NUP98: variants seen among roughly 807,000 people sequenced by gnomAD.
NUP98 encodes the protein nuclear pore complex protein Nup98-Nup96.
In NUP98, 26 loss-of-function variants were observed where a neutral mutation model predicts 191.9. The ratio of observed to expected loss-of-function variants is 0.14; its 90% CI spans 0.10 to 0.19. The LOEUF (loss-of-function observed/expected upper bound fraction) is 0.19. Among genes scored for constraint, NUP98 ranks in the 10% least tolerant of loss-of-function variants. The pLI is 1.00. For synonymous variants in NUP98, 808 were observed against 778.4 expected (o/e 1.04, Z -0.63); for missense variants, 1,941 against 2,178.8 (o/e 0.89, Z 2.17).
At chr11:3,676,987 A>C (rs945978508) in intron 31 of NUP98, among the ~76,000 whole-genome samples, 1 of 152,246 alleles carries the variant, frequency 6.6e-6, no homozygotes, top group Admixed American at 6.5e-5. Context: ...CATTTAATTT[A>C]GGTCCCCTGA....
intron 1 of NUP98, among the ~76,000 whole-genome samples, chr11:3,784,124 A>C (rs1055904431): frequency 6.6e-6 from 1 of 152,220 alleles, no homozygotes; most frequent in Non-Finnish European, 1.5e-5. Context: ...TGTAAAGAGT[A>C]GTCTTTTCTT....
At chr11:3,780,829 C>A (rs1308300781) in intron 2 of NUP98, among the ~76,000 whole-genome samples, 3 of 151,984 alleles carry the variant, frequency 2.0e-5, no homozygotes, top group Non-Finnish European at 4.4e-5. Context: ...CCTGTAATCC[C>A]AGCACTTTGG....
In NUP98 at chr11:3,731,396, C is replaced by A; in HGVS notation, c.1725G>T (p.Met575Ile). The A allele has an allele frequency of 6.4e-7, 1 of 1,562,630 alleles. No individual in the cohort carries two copies. Among genetic ancestry groups the A allele is most frequent in the Non-Finnish European group, 8.7e-7 (1 of 1,152,824 alleles). ...GTTAACAAAAATAAACTCACTTGGG[C>A]ATGAATGCTCCATTGGCTAGGGATG... is the stretch of plus-strand genomic sequence containing the variant. ...DEPSLANGAF[M>I]PKKSIKKLVL... Residue 575 changes from methionine to isoleucine, a missense_variant, in exon 14 of 33, where the codon ATG (methionine) becomes ATT (isoleucine). Physicochemically the swap from Met to Ile is conservative, Grantham distance 10. Coordinates refer to ENST00000324932, the MANE Select transcript of NUP98 (RefSeq NM_016320.5).
In NUP98 at chr11:3,773,614, G is replaced by C; in HGVS notation, c.603+18C>G. ...AATCAAAAGGTTAGACTGACATTCTGTATTGTATTTTACTGACCTCTAGTG... is the reference window on the plus strand; with the variant it reads ...AATCAAAAGGTTAGACTGACATTCTCTATTGTATTTTACTGACCTCTAGTG... On this transcript the variant is annotated intron_variant, in intron 6 of 32. Coordinates refer to ENST00000324932, the MANE Select transcript of NUP98 (RefSeq NM_016320.5). 1 of 1,403,480 alleles carries C rather than the reference G, an allele frequency of 7.1e-7. No homozygotes were observed. Among genetic ancestry groups the C allele is most frequent in the Non-Finnish European group, 1.0e-6 (1 of 999,542 alleles). The allele number at this position is 1,403,480 out of a possible 1,614,324, so 86.9% of individuals were successfully genotyped here.
rs1042173455 is a variant in NUP98, at chr11:3,777,053, T to C, written c.356-1032A>G. ...GTGGTCACAGTACATTTTATTTACA[T>C]ACATTATAACATATACCTACACATA... On this transcript the variant is annotated intron_variant, in intron 4 of 32. Transcript: ENST00000324932. Among the ~76,000 whole-genome samples the C allele has an allele frequency of 3.3e-5, 5 of 152,322 alleles. No homozygotes were observed. The South Asian group carries it at 8.3e-4, about 25-fold the overall frequency.
At chr11:3,717,509 C>T (rs1337026518) in intron 18 of NUP98, among the ~76,000 whole-genome samples, 3 of 152,136 alleles carry the variant, frequency 2.0e-5, no homozygotes, top group Non-Finnish European at 2.9e-5. Context: ...AGCAGTGCAA[C>T]TGATTTTTCC....
At chr11:3,736,147 GT>G (rs1213223849) in intron 12 of NUP98, among the ~76,000 whole-genome samples, 1 of 151,762 alleles carries the variant, frequency 6.6e-6, no homozygotes, top group Admixed American at 6.6e-5. Context: ...GCCCAGGCTG[GT>G]CTTGAACTCC....
At chr11:3,730,951 G>A (rs1229240834) in intron 14 of NUP98, among the ~76,000 whole-genome samples, 3 of 152,112 alleles carry the variant, frequency 2.0e-5, no homozygotes, top group Non-Finnish European at 4.4e-5. Context: ...TCTTTGTGAT[G>A]TTCTGTATTT....
At chr11:3,696,603 G>A (rs2078515432) in intron 25 of NUP98, 1 of 152,138 alleles carries the variant, frequency 6.6e-6, no homozygotes, top group African/African-American at 2.4e-5. Context: ...GAGGTCAGGA[G>A]TTCGAGACCA....
chr11:3,706,426 A>G lies in NUP98; in HGVS notation c.2925+19T>C. 3.1e-6 allele frequency: 5 copies of G among 1,612,392 alleles called. No homozygotes were observed. Among genetic ancestry groups the G allele is most frequent in the Non-Finnish European group, 4.2e-6 (5 of 1,178,574 alleles). ...TTAGTTTGGCTTTCTGTTACAAAAA[A>G]GGTGGGTTAGAACTTCACCTGTAAG... On this transcript the variant is annotated intron_variant, in intron 21 of 32. Transcript: ENST00000324932.
rs1564856004 is a variant in NUP98, at chr11:3,731,506, G to T, written c.1615C>A (p.Pro539Thr). ...TPTHYKLTPR[P>T]ATRVRPKALQ... Reference sequence around the variant, plus strand: ...GCCTTTGGCCGGACTCTAGTGGCAGGGCGGGGTGTCAGTTTATAATGAGTA... The same window carrying T: ...GCCTTTGGCCGGACTCTAGTGGCAGTGCGGGGTGTCAGTTTATAATGAGTA... Residue 539 changes from proline (P) to threonine (T), a missense_variant, in exon 14 of 33, where the codon CCT becomes ACT. Physicochemically the swap from Pro to Thr is conservative, Grantham distance 38 (BLOSUM62 -1). Transcript: ENST00000324932. 6.2e-7 allele frequency: 1 copy of T among 1,608,198 alleles called. No individual in the cohort carries two copies. The highest frequency in any genetic ancestry group is 8.5e-7 in the Non-Finnish European group (1 of 1,176,988).
Position 3,753,373 on chromosome 11 carries a change from C to T in NUP98, c.1210G>A (p.Gly404Arg). ...AGAGTCCCAGGTGCTGGTTTACTTCCAAAAATACTATTCCCACTGGTATTT... is the reference window on the plus strand; with the variant it reads ...AGAGTCCCAGGTGCTGGTTTACTTCTAAAAATACTATTCCCACTGGTATTT... ...GTNTSGNSIFGSKPAPGTLGT... is the reference protein window; with the variant it reads ...GTNTSGNSIFRSKPAPGTLGT... Residue 404 changes from glycine (G) to arginine (R), a missense_variant, in exon 11 of 33, where the codon GGA becomes AGA. This residue lies in a region of NUP98 where 181 missense variants were observed against 228.0 expected (regional missense o/e 0.79). Coordinates refer to ENST00000324932, the MANE Select transcript of NUP98 (RefSeq NM_016320.5). 6.2e-7 allele frequency: 1 copy of T among 1,613,900 alleles called. No homozygotes were observed. Among genetic ancestry groups the T allele is most frequent in the East Asian group, 2.2e-5 (1 of 44,852 alleles).
chr11:3,778,460 G>A (rs1247363972), intron 4 of NUP98, among the ~76,000 whole-genome samples: 5 of 152,156 alleles, frequency 3.3e-5, no homozygotes, highest in Non-Finnish European at 7.3e-5. Context: ...TGTCATTCCT[G>A]CTCTAGTCTC....
chr11:3,736,454 G>C (rs1263725488), intron 12 of NUP98, among the ~76,000 whole-genome samples: 5 of 152,142 alleles, frequency 3.3e-5, no homozygotes, highest in Non-Finnish European at 7.3e-5. Context: ...TGAGGAGTTT[G>C]AGACCAACCT....
chr11:3,691,557 C>CT, intron 27 of NUP98, 68 bp from the exon 28 acceptor site: 7 of 1,492,332 alleles, frequency 4.7e-6, no homozygotes, highest in Admixed American at 2.0e-5. Context: ...CATTATGTTT[C>CT]TTCTTTTTTT....
At chr11:3,704,837 C>T (rs1371856416) in intron 22 of NUP98, among the ~76,000 whole-genome samples, 1 of 152,146 alleles carries the variant, frequency 6.6e-6, no homozygotes, top group African/African-American at 2.4e-5. Flanking sequence ...CAAGATCCAT[C>T]TCTATAAACA....
At chr11:3,719,289 C>T (rs2079304588) in intron 18 of NUP98, 123 bp downstream of exon 18, 1 of 653,894 alleles carries the variant, frequency 1.5e-6, no homozygotes, top group African/African-American at 1.9e-5. Context: ...AAAGTAGAGA[C>T]AATAAATGTA....
chr11:3,792,584 C>T (rs1211672885), intron 1 of NUP98, among the ~76,000 whole-genome samples: 2 of 152,072 alleles, frequency 1.3e-5, no homozygotes, highest in Non-Finnish European at 2.9e-5. Flanking sequence ...ACACTCCAGC[C>T]TGGGTGACAA....
At chr11:3,731,290 C>G in intron 14 of NUP98, 101 bp downstream of exon 14, 1 of 791,176 alleles carries the variant, frequency 1.3e-6, no homozygotes, top group Non-Finnish European at 1.8e-6. Flanking sequence ...ACAAAGTGGA[C>G]TGTATCACAT....
Sources: gnomAD v4.1 joint callset for allele counts (sites outside exome capture counted in the v4.1 genomes callset) on GRCh38, gnomAD v4.1.1 for gene constraint, gnomAD v4.1.1 regional missense constraint, MANE v1.5 for transcripts, NCBI Gene and HGNC (gene_info 2026-07-23, HGNC 2026-07-21) for gene names.